The following MSI2 variants were observed in gnomAD, a reference collection of about 807,000 sequenced individuals.
The protein encoded by MSI2 is RNA-binding protein Musashi homolog 2.
In MSI2, 17 loss-of-function variants were observed where a neutral mutation model predicts 45.6. The ratio of observed to expected loss-of-function variants is 0.37; its 90% confidence interval spans 0.26 to 0.56. The LOEUF (loss-of-function observed/expected upper bound fraction) is 0.56, where lower values mean the gene tolerates loss of function less well. MSI2 is among the 20% of genes least tolerant of loss of function. The pLI is 0.77. For missense variants in MSI2, 293 were observed against 444.2 expected, an observed-to-expected ratio of 0.66 and a Z score of 3.06; for synonymous variants, 156 against 158.2, an observed-to-expected ratio of 0.99 and a Z score of 0.11.
At chr17:57,450,161 T>C (rs998510713) in intron 6 of MSI2, 12 of 152,174 alleles carry the variant, frequency 7.9e-5, no homozygotes, top group African/African-American at 2.7e-4. Flanking sequence ...AACAGGGTTT[T>C]CTTTCCTTTC....
intron 6 of MSI2, among the ~76,000 whole-genome samples, chr17:57,513,603 A>G (rs967953622): frequency 3.3e-5 from 5 of 152,210 alleles, no homozygotes; most frequent in Non-Finnish European, 5.9e-5. Context: ...AGACAGGACT[A>G]TATGCCCATG....
intron 6 of MSI2, among the ~76,000 whole-genome samples, chr17:57,472,572 C>T (rs1300458965): frequency 6.6e-6 from 1 of 152,238 alleles, no homozygotes; most frequent in African/African-American, 2.4e-5. Flanking sequence ...GGGCTCGAAT[C>T]CTAGCTCTGC....
At chr17:57,333,440 C>CTTTTTTTTT (rs1567762862) in intron 5 of MSI2, among the ~76,000 whole-genome samples, 1 of 147,452 alleles carries the variant, frequency 6.8e-6, no homozygotes. Flanking sequence ...TGATTTGTAC[C>CTTTTTTTTT]GTTTTTTTTT....
chr17:57,503,039 A>G (rs949897196), intron 6 of MSI2, among the ~76,000 whole-genome samples: 32 of 152,016 alleles, frequency 2.1e-4, no homozygotes, highest in Non-Finnish European at 4.6e-4. Context: ...TCCTATTACA[A>G]TGGAGTTTTC....
At chr17:57,693,248 T>C in the MSI2 span, among the ~76,000 whole-genome samples, 1 of 150,626 alleles carries the variant, frequency 6.6e-6, no homozygotes, top group Non-Finnish European at 1.5e-5. Context: ...AGTGGCGCGA[T>C]CTTGGCTCAC....
intron 6 of MSI2, among the ~76,000 whole-genome samples, chr17:57,426,309 G>A (rs1299939227): frequency 1.3e-5 from 2 of 152,150 alleles, no homozygotes; most frequent in African/African-American, 4.8e-5. Flanking sequence ...AATACATTTG[G>A]CAATTACGTC....
At chr17:57,506,792 A>G (rs1343330545) in intron 6 of MSI2, among the ~76,000 whole-genome samples, 1 of 152,218 alleles carries the variant, frequency 6.6e-6, no homozygotes, top group African/African-American at 2.4e-5. Context: ...CTCCATGTAC[A>G]GACTGTGGGG....
chr17:57,257,216 GCCCC>G lies in MSI2; in HGVS notation c.103+88_103+91del, dbSNP rs371473884. On this transcript the variant is annotated intron_variant, in intron 2 of 13. Transcript: ENST00000284073. ...TGCTCTTTGTTATCCCGGTGTAGGA[GCCCC>G]CCCCCCCCCGCCATTGGCTCCCCAC... 7.4e-3 allele frequency: 1,490 copies of G among 201,624 alleles called. 15 individuals are homozygous for G. Among genetic ancestry groups the G allele is most frequent in the Middle Eastern group, 8.1e-3 (6 of 740 alleles). 12.5% of individuals were successfully genotyped at this position (201,624 alleles called of 1,614,324 possible). A position where few individuals can be genotyped will look rare whatever the true frequency, so the allele number is the denominator to read the frequency against.
chr17:57,656,332 A>G (rs116039880), intron 11 of MSI2, among the ~76,000 whole-genome samples: 660 of 152,278 alleles, frequency 4.3e-3, no homozygotes, highest in African/African-American at 0.015. Flanking sequence ...GATTGGAAGG[A>G]GTCTTAAAGG....
chr17:57,305,919 A>G (rs1466353800), intron 5 of MSI2, among the ~76,000 whole-genome samples: 1 of 152,204 alleles, frequency 6.6e-6, no homozygotes, highest in Non-Finnish European at 1.5e-5. Context: ...ATATTTAAAG[A>G]GGGTGTAATG....
intron 10 of MSI2, among the ~76,000 whole-genome samples, chr17:57,648,930 C>T (rs955377473): frequency 2.0e-5 from 3 of 152,184 alleles, no homozygotes; most frequent in African/African-American, 7.2e-5. Context: ...CTCTCCCCTG[C>T]ATTTCCCAGC....
rs547786992 is a variant in MSI2, at chr17:57,621,646, G to A, written c.652+5562G>A. Among the ~76,000 whole-genome samples the A allele has an allele frequency of 4.6e-5, 7 of 152,324 alleles. No individual in the cohort carries two copies. The East Asian group carries it at 1.3e-3, about 29-fold the overall frequency. The stretch of plus-strand genomic sequence containing the variant: ...TCATTTAAGATTTTCTCCATACTCT[G>A]GGTGGTCTCTTCAGAGGGAGGCTGA... On this transcript the variant is annotated intron_variant, in intron 9 of 13. Transcript: ENST00000284073.
At chr17:57,262,507 A>C (rs1180596875) in intron 5 of MSI2, 1 of 284,892 alleles carries the variant, frequency 3.5e-6, no homozygotes, top group Non-Finnish European at 6.5e-6. Flanking sequence ...TCATATCAGG[A>C]AAAGTCGAAC....
At position 57,502,602 on chromosome 17, in the gene MSI2, G is replaced by GATAGATATATATAT. The variant is rs1190802566; in HGVS notation, c.406-27071_406-27070insGATATATATATATA. On this transcript the variant is annotated intron_variant, in intron 6 of 13. Coordinates refer to ENST00000284073, the MANE Select transcript of MSI2 (RefSeq NM_138962.4). ...CAGGGAATGGAGAAGATGACTCTGA[G>GATAGATATATATAT]ATATATATATATATATATATATATA... 2.9e-4 allele frequency among the ~76,000 whole-genome samples: 16 copies of GATAGATATATATAT among 54,410 alleles called. No individual in the cohort carries two copies. In the East Asian group the frequency reaches 0.01, roughly 35 times the overall value. 35.7% of individuals were successfully genotyped at this position (54,410 alleles called of 152,430 possible).
At chr17:57,513,498 T>G (rs557499651) in intron 6 of MSI2, among the ~76,000 whole-genome samples, 2 of 152,228 alleles carry the variant, frequency 1.3e-5, no homozygotes, top group Non-Finnish European at 2.9e-5. Flanking sequence ...TAGCAGGCAC[T>G]GTTTGTGGAC....
intron 5 of MSI2, among the ~76,000 whole-genome samples, chr17:57,272,766 T>C (rs184862652): frequency 6.6e-6 from 1 of 152,294 alleles, no homozygotes; most frequent in African/African-American, 2.4e-5. Flanking sequence ...ATCCCATTCC[T>C]CGCCATGGCA....
intron 6 of MSI2, among the ~76,000 whole-genome samples, chr17:57,493,329 G>A (rs2085913869): frequency 6.6e-6 from 1 of 152,168 alleles, no homozygotes; most frequent in Admixed American, 6.5e-5. Context: ...ATCTGTCTCT[G>A]ATAAAATCTG....
At chr17:57,310,738 G>A (rs1296225605) in intron 5 of MSI2, among the ~76,000 whole-genome samples, 1 of 152,172 alleles carries the variant, frequency 6.6e-6, no homozygotes, top group South Asian at 2.1e-4. Flanking sequence ...GTGCCACGGG[G>A]ATATTAATGA....
chr17:57,374,529 C>A (rs893478731), intron 5 of MSI2, among the ~76,000 whole-genome samples: 3 of 152,180 alleles, frequency 2.0e-5, no homozygotes, highest in African/African-American at 4.8e-5. Flanking sequence ...GTAATCCCAG[C>A]ACTTTGGGAG....
Sources: allele counts gnomAD v4.1 joint callset (sites outside exome capture counted in the v4.1 genomes callset), GRCh38; gene constraint gnomAD v4.1.1; transcripts MANE v1.5; gene names NCBI Gene and HGNC (gene_info 2026-07-23, HGNC 2026-07-21).